The following EXOC6B variants were observed in gnomAD, a reference collection of about 807,000 sequenced individuals.
The protein encoded by EXOC6B is SEC15 homolog B.
A neutral mutation model predicts 113.5 loss-of-function variants in EXOC6B; 54 were observed. That is an observed-to-expected ratio of 0.48 (90% CI 0.38 to 0.60). The LOEUF (loss-of-function observed/expected upper bound fraction) is 0.60, where lower values mean the gene tolerates loss of function less well. Ranked by LOEUF, EXOC6B falls within the 20% of genes least tolerant of loss-of-function variation. EXOC6B has a pLI of 0.00. For synonymous variants in EXOC6B, 357 were observed against 339.0 expected (o/e 1.05, Z -0.58); for missense variants, 797 against 977.5 (o/e 0.82, Z 2.46).
At chr2:72,496,428 G>A (rs1700035753) in intron 14 of EXOC6B, 26 bp downstream of exon 14, 2 of 1,428,974 alleles carry the variant, frequency 1.4e-6, no homozygotes, top group Non-Finnish European at 1.9e-6. Flanking sequence ...AACAACCAGA[G>A]AAATTTATTT....
intron 13 of EXOC6B, 141 bp from the exon 14 acceptor site, chr2:72,496,700 T>C (rs1558732268): frequency 4.6e-6 from 3 of 655,880 alleles, no homozygotes; most frequent in Non-Finnish European, 2.7e-6. Context: ...CAACCCAAAA[T>C]GAACATTTCC....
intron 19 of EXOC6B, among the ~76,000 whole-genome samples, chr2:72,364,762 C>T (rs918119842): frequency 6.6e-6 from 1 of 150,526 alleles, no homozygotes; most frequent in Non-Finnish European, 1.5e-5. Flanking sequence ...TATCATCCTT[C>T]ATCCCTGTTT....
intron 1 of EXOC6B, among the ~76,000 whole-genome samples, chr2:72,754,955 A>G (rs1439352617): frequency 1.3e-5 from 2 of 151,768 alleles, no homozygotes; most frequent in African/African-American, 2.4e-5. Context: ...TTAAAAATCT[A>G]TTTTTTTTAA....
intron 6 of EXOC6B, among the ~76,000 whole-genome samples, chr2:72,606,615 T>C (rs2104044327): frequency 6.6e-6 from 1 of 151,590 alleles, no homozygotes; most frequent in East Asian, 1.9e-4. Flanking sequence ...ATAAATGCAG[T>C]ATATTCACTT....
chr2:72,719,655 G>T (rs1679869523), intron 5 of EXOC6B, among the ~76,000 whole-genome samples: 2 of 152,182 alleles, frequency 1.3e-5, no homozygotes, highest in Non-Finnish European at 2.9e-5. Flanking sequence ...ACTCAAGTTT[G>T]TTTGAGCATA....
intron 19 of EXOC6B, among the ~76,000 whole-genome samples, chr2:72,355,293 T>A (rs1689908990): frequency 6.6e-6 from 1 of 152,088 alleles, no homozygotes; most frequent in Non-Finnish European, 1.5e-5. Context: ...ATTATTAAAT[T>A]CAAATGAGAA....
intron 19 of EXOC6B, among the ~76,000 whole-genome samples, chr2:72,352,632 C>A (rs1689720412): frequency 6.6e-6 from 1 of 150,548 alleles, no homozygotes; most frequent in South Asian, 2.1e-4. Context: ...AAATCAGAAT[C>A]TGTTAAATGT....
intron 6 of EXOC6B, among the ~76,000 whole-genome samples, chr2:72,694,700 G>A (rs374806869): frequency 5.7e-4 from 87 of 152,306 alleles, no homozygotes; most frequent in African/African-American, 1.9e-3. Context: ...AGGAACAAAG[G>A]AGTTGCTAAA....
chr2:72,327,738 G>T (rs1039923316), intron 20 of EXOC6B, among the ~76,000 whole-genome samples: 10 of 152,072 alleles, frequency 6.6e-5, no homozygotes, highest in Admixed American at 6.6e-5. Context: ...TTAAGAAGCT[G>T]GTATGAAGTG....
intron 20 of EXOC6B, among the ~76,000 whole-genome samples, chr2:72,334,412 A>T (rs1225806680): frequency 6.6e-6 from 1 of 152,126 alleles, no homozygotes; most frequent in Non-Finnish European, 1.5e-5. Context: ...ATCATCTTCA[A>T]AAACGACCAC....
chr2:72,659,301 T>G (rs2104441430), intron 6 of EXOC6B, among the ~76,000 whole-genome samples: 1 of 152,220 alleles, frequency 6.6e-6, no homozygotes, highest in African/African-American at 2.4e-5. Flanking sequence ...CTCTTGCAAG[T>G]AACTCTCATG....
At chr2:72,624,486 A>G (rs2104214980) in intron 6 of EXOC6B, among the ~76,000 whole-genome samples, 1 of 152,276 alleles carries the variant, frequency 6.6e-6, no homozygotes, top group South Asian at 2.1e-4. Context: ...CACTCCTGTA[A>G]TCCTGCCAAT....
At chr2:72,413,279 A>G (rs1694303522) in intron 18 of EXOC6B, among the ~76,000 whole-genome samples, 1 of 151,946 alleles carries the variant, frequency 6.6e-6, no homozygotes, top group Non-Finnish European at 1.5e-5. Flanking sequence ...CTTAAACTTT[A>G]GCATACACCA....
chr2:72,500,966 A>G (rs1700288663), intron 11 of EXOC6B, among the ~76,000 whole-genome samples: 1 of 152,180 alleles, frequency 6.6e-6, no homozygotes, highest in African/African-American at 2.4e-5. Flanking sequence ...GATTAAAACT[A>G]GTATCGATAC....
chr2:72,653,517 T>C (rs1191464012), intron 6 of EXOC6B, among the ~76,000 whole-genome samples: 1 of 149,116 alleles, frequency 6.7e-6, no homozygotes, highest in Non-Finnish European at 1.5e-5. Flanking sequence ...GTAACTAACC[T>C]GCACATTGTG....
intron 1 of EXOC6B, among the ~76,000 whole-genome samples, chr2:72,789,986 T>C (rs923568398): frequency 6.6e-6 from 1 of 152,180 alleles, no homozygotes; most frequent in African/African-American, 2.4e-5. Context: ...CCTCTATTCA[T>C]AAATTTTACC....
At chr2:72,316,122 T>C (rs1029590401) in intron 20 of EXOC6B, among the ~76,000 whole-genome samples, 2 of 152,134 alleles carry the variant, frequency 1.3e-5, no homozygotes, top group Non-Finnish European at 2.9e-5. Flanking sequence ...AAGGATGAAA[T>C]TCTGGATGAA....
In EXOC6B at chr2:72,686,998, C is replaced by T. The variant is rs184460846; in HGVS notation, c.669+31105G>A. On this transcript the variant is annotated intron_variant, in intron 6 of 21. Transcript: ENST00000272427. ...CTAAAAAGACAAAAAATTAGCCGGGCGTGGTGGCGGGCGCCTGTAGTCCCA... is the reference window on the plus strand; with the variant it reads ...CTAAAAAGACAAAAAATTAGCCGGGTGTGGTGGCGGGCGCCTGTAGTCCCA... Among the ~76,000 whole-genome samples, 511 of 151,880 alleles carry T rather than the reference C, an allele frequency of 3.4e-3. 2 individuals carry two copies. The highest frequency in any genetic ancestry group is 0.012 in the African/African-American group (480 of 41,414).
intron 6 of EXOC6B, among the ~76,000 whole-genome samples, chr2:72,697,613 G>A (rs1677987290): frequency 6.6e-6 from 1 of 152,124 alleles, no homozygotes; most frequent in African/African-American, 2.4e-5. Flanking sequence ...GAGCCTGGGA[G>A]GCAGAGGTTG....
Sources: gnomAD v4.1 joint callset for allele counts (sites outside exome capture counted in the v4.1 genomes callset) on GRCh38, gnomAD v4.1.1 for gene constraint, MANE v1.5 for transcripts, NCBI Gene and HGNC (gene_info 2026-07-23, HGNC 2026-07-21) for gene names.